Variants in KCNH5 observed in about 807,000 individuals in gnomAD.
The protein encoded by KCNH5 is potassium voltage-gated channel subfamily H member 5.
In KCNH5, 46 loss-of-function variants were observed where a neutral mutation model predicts 96.1. The ratio of observed to expected loss-of-function variants is 0.48; its 90% CI spans 0.38 to 0.61. The LOEUF (loss-of-function observed/expected upper bound fraction) is 0.61, where lower values mean the gene tolerates loss of function less well. Among genes scored for constraint, KCNH5 ranks in the 20% least tolerant of loss-of-function variants. The probability of loss-of-function intolerance (pLI) is 0.00; values close to 1 mark genes in which losing one functional copy is unlikely to be tolerated. For missense variants in KCNH5, 907 were observed against 1,225.8 expected (o/e 0.74, Z 3.88); for synonymous variants, 439 against 449.8 (o/e 0.98, Z 0.30).
chr14:62,910,145 T>TAC (rs111386925), intron 7 of KCNH5, among the ~76,000 whole-genome samples: 19,153 of 143,902 alleles, frequency 0.13, 1,407 homozygotes, highest in African/African-American at 0.23. Flanking sequence ...ACTAACATGT[T>TAC]ACACACACAC....
Position 62,709,010 on chromosome 14 carries a change from C to T in KCNH5, c.2020-555G>A, listed in dbSNP as rs551618554. Among the ~76,000 whole-genome samples, 134 of 151,924 alleles carry T rather than the reference C, an allele frequency of 8.8e-4. 1 individual carries two copies. The highest frequency in any genetic ancestry group is 5.0e-4 in the Non-Finnish European group (34 of 67,944). ...CCTGTAATCCCAGCACTTTGGGAGGCCGAGGCGGGCGGACCACGAGGTCAG... is the reference window on the plus strand; with the variant it reads ...CCTGTAATCCCAGCACTTTGGGAGGTCGAGGCGGGCGGACCACGAGGTCAG... On this transcript the variant is annotated intron_variant, in intron 10 of 10. Transcript: ENST00000322893.
At chr14:62,752,426 G>T (rs559055772) in intron 10 of KCNH5, among the ~76,000 whole-genome samples, 1 of 152,076 alleles carries the variant, frequency 6.6e-6, no homozygotes, top group African/African-American at 2.4e-5. Flanking sequence ...TGCAGGCTTT[G>T]GTTATTGGAT....
At chr14:63,008,752 G>A (rs181558759) in intron 2 of KCNH5, among the ~76,000 whole-genome samples, 59 of 152,182 alleles carry the variant, frequency 3.9e-4, no homozygotes, top group African/African-American at 1.4e-3. Context: ...GCACTGAAAA[G>A]CCACTGTTAC....
chr14:62,889,449 C>T (rs1888660784), intron 7 of KCNH5, among the ~76,000 whole-genome samples: 1 of 152,122 alleles, frequency 6.6e-6, no homozygotes, highest in Non-Finnish European at 1.5e-5. Flanking sequence ...CATGACAAAG[C>T]CACATGGCAG....
chr14:63,043,804 T>C (rs931338099), intron 1 of KCNH5, among the ~76,000 whole-genome samples: 2 of 152,222 alleles, frequency 1.3e-5, no homozygotes, highest in African/African-American at 4.8e-5. Context: ...AAAGAGATTC[T>C]AATCTAAGAA....
intron 4 of KCNH5, among the ~76,000 whole-genome samples, chr14:62,995,964 A>T (rs1265990138): frequency 6.6e-6 from 1 of 152,150 alleles, no homozygotes; most frequent in Admixed American, 6.6e-5. Flanking sequence ...AGTCCTGAAC[A>T]GGCTCAGGTT....
At chr14:62,831,764 A>G (rs1421480808) in intron 8 of KCNH5, among the ~76,000 whole-genome samples, 1 of 152,202 alleles carries the variant, frequency 6.6e-6, no homozygotes, top group African/African-American at 2.4e-5. Context: ...GGTGAAGTAC[A>G]GTGGCATAAT....
intron 10 of KCNH5, among the ~76,000 whole-genome samples, chr14:62,722,798 T>C (rs1162825092): frequency 1.3e-5 from 2 of 152,204 alleles, no homozygotes; most frequent in Non-Finnish European, 2.9e-5. Context: ...AGGGCAATTA[T>C]TATTATTTCC....
At chr14:62,874,527 C>G (rs1888328727) in intron 7 of KCNH5, among the ~76,000 whole-genome samples, 1 of 152,048 alleles carries the variant, frequency 6.6e-6, no homozygotes, top group African/African-American at 2.4e-5. Flanking sequence ...GGATGCAAGG[C>G]TGGTTCAATA....
Position 62,882,137 on chromosome 14 carries a change from T to C in KCNH5, c.1370-32285A>G, listed in dbSNP as rs545153780. Among the ~76,000 whole-genome samples the C allele has an allele frequency of 9.5e-3, 1,208 of 126,504 alleles. 13 individuals are homozygous for C. Among genetic ancestry groups the C allele is most frequent in the African/African-American group, 0.035 (1,164 of 32,960 alleles). 83.0% of individuals were successfully genotyped at this position (126,504 alleles called of 152,430 possible). A position where few individuals can be genotyped will look rare whatever the true frequency, so the allele number is the denominator to read the frequency against. ...AAAAAAAAAAAAAAAAGCTGGGGCATGGTGGTATGAGCCAGTAGTCTCAGC... is the reference window on the plus strand; with the variant it reads ...AAAAAAAAAAAAAAAAGCTGGGGCACGGTGGTATGAGCCAGTAGTCTCAGC... On this transcript the variant is annotated intron_variant, in intron 7 of 10. Coordinates refer to ENST00000322893, the MANE Select transcript of KCNH5 (RefSeq NM_139318.5).
chr14:62,997,404 A>C (rs991932949), intron 4 of KCNH5, among the ~76,000 whole-genome samples: 7 of 152,242 alleles, frequency 4.6e-5, no homozygotes, highest in African/African-American at 1.4e-4. Flanking sequence ...CTTTACTGAG[A>C]GTTTTTATCA....
chr14:62,752,820 T>G (rs897845973), intron 10 of KCNH5, among the ~76,000 whole-genome samples: 30 of 152,190 alleles, frequency 2.0e-4, no homozygotes, highest in African/African-American at 7.0e-4. Flanking sequence ...TGCCACCTTG[T>G]GAAGAAGGTG....
At chr14:62,778,356 C>T (rs1163400281) in intron 10 of KCNH5, among the ~76,000 whole-genome samples, 8 of 149,524 alleles carry the variant, frequency 5.4e-5, no homozygotes, top group East Asian at 3.9e-4. Context: ...AAAAAATTGG[C>T]ATGTAAGTGG....
intron 2 of KCNH5, among the ~76,000 whole-genome samples, chr14:63,007,361 A>G (rs1891146405): frequency 6.6e-6 from 1 of 152,216 alleles, no homozygotes; most frequent in Non-Finnish European, 1.5e-5. Context: ...AGAAGATAGA[A>G]AAGATGCTCT....
At chr14:62,961,565 T>G (rs1890205719) in intron 6 of KCNH5, among the ~76,000 whole-genome samples, 1 of 152,158 alleles carries the variant, frequency 6.6e-6, no homozygotes, top group Non-Finnish European at 1.5e-5. Flanking sequence ...AAGACTGAAG[T>G]GGCCATGATG....
At chr14:62,729,002 T>A (rs1884994808) in intron 10 of KCNH5, among the ~76,000 whole-genome samples, 1 of 152,226 alleles carries the variant, frequency 6.6e-6, no homozygotes, top group Non-Finnish European at 1.5e-5. Flanking sequence ...TCTAGAAAGA[T>A]GATTTTTAAT....
intron 9 of KCNH5, among the ~76,000 whole-genome samples, chr14:62,799,410 C>G (rs1886602577): frequency 1.3e-5 from 2 of 151,258 alleles, no homozygotes; most frequent in African/African-American, 4.9e-5. Context: ...CCTGTCTCTG[C>G]TAAAAATACA....
At chr14:62,916,799 A>G (rs1295929058) in intron 7 of KCNH5, among the ~76,000 whole-genome samples, 1 of 152,194 alleles carries the variant, frequency 6.6e-6, no homozygotes, top group Non-Finnish European at 1.5e-5. Flanking sequence ...GAGGCTCTGA[A>G]AACAGTCTTC....
intron 6 of KCNH5, among the ~76,000 whole-genome samples, chr14:62,951,868 AG>A: frequency 6.9e-6 from 1 of 144,402 alleles, no homozygotes; most frequent in East Asian, 2.1e-4. Context: ...AGGCTGAGGC[AG>A]GGGGAATTGC....
Sources: gnomAD v4.1 joint callset for allele counts (sites outside exome capture counted in the v4.1 genomes callset) on GRCh38, gnomAD v4.1.1 for gene constraint, MANE v1.5 for transcripts, NCBI Gene and HGNC (gene_info 2026-07-23, HGNC 2026-07-21) for gene names.